The following TMEM132D variants were observed in gnomAD, a reference collection of about 807,000 sequenced individuals.
The protein encoded by TMEM132D is transmembrane protein 132D.
In TMEM132D, 21 loss-of-function variants were observed where a neutral mutation model predicts 62.3. The observed-to-expected ratio is 0.34, with a 90% CI of 0.24 to 0.49. The LOEUF is 0.49. Among genes scored for constraint, TMEM132D ranks in the 20% least tolerant of loss-of-function variants. TMEM132D has a pLI of 0.99. For missense variants in TMEM132D, 1,346 were observed against 1,402.8 expected, an observed-to-expected ratio of 0.96 and a Z score of 0.65; for synonymous variants, 621 against 575.6, an observed-to-expected ratio of 1.08 and a Z score of -1.13.
intron 6 of TMEM132D, 53 bp from the exon 7 acceptor site, chr12:129,082,085 G>A (rs1444464409): frequency 2.6e-6 from 4 of 1,545,258 alleles, no homozygotes; most frequent in African/African-American, 1.4e-5. Context: ...TCCTCTGTAA[G>A]GGGCCGTGTG....
intron 4 of TMEM132D, among the ~76,000 whole-genome samples, chr12:129,295,969 C>T (rs149265713): frequency 6.4e-4 from 98 of 152,012 alleles, no homozygotes; most frequent in Middle Eastern, 3.4e-3. Context: ...CTCGAAAATA[C>T]GAAGGGCCAA....
chr12:129,150,082 G>A (rs1281174854), intron 5 of TMEM132D, among the ~76,000 whole-genome samples: 2 of 152,246 alleles, frequency 1.3e-5, no homozygotes, highest in East Asian at 3.8e-4. Flanking sequence ...TGCAGAGAAG[G>A]GTCATCGTGT....
At chr12:129,429,740 CG>C (rs1872600871) in intron 3 of TMEM132D, among the ~76,000 whole-genome samples, 2 of 131,756 alleles carry the variant, frequency 1.5e-5, no homozygotes, top group Admixed American at 7.8e-5. Flanking sequence ...CCCCCTCCCC[CG>C]ACCCCACAAC....
intron 2 of TMEM132D, among the ~76,000 whole-genome samples, chr12:129,535,442 CA>C (rs1161234573): frequency 6.6e-6 from 1 of 152,212 alleles, no homozygotes; most frequent in Admixed American, 6.5e-5. Context: ...CCACAACCAC[CA>C]GGGGACTCCA....
chr12:129,616,337 A>G (rs904032505), intron 2 of TMEM132D, among the ~76,000 whole-genome samples: 2 of 152,116 alleles, frequency 1.3e-5, no homozygotes, highest in African/African-American at 4.8e-5. Flanking sequence ...GGAGGAATAG[A>G]TATTATCGGG....
At chr12:129,728,752 G>A (rs79161310) in intron 1 of TMEM132D, among the ~76,000 whole-genome samples, 44 of 152,282 alleles carry the variant, frequency 2.9e-4, no homozygotes, top group Non-Finnish European at 2.2e-4. Context: ...TGCGAAGAGG[G>A]AGAAACGCAG....
chr12:129,841,442 C>A (rs925057815), intron 1 of TMEM132D, among the ~76,000 whole-genome samples: 9 of 152,180 alleles, frequency 5.9e-5, no homozygotes, highest in Admixed American at 4.6e-4. Flanking sequence ...GTTTAATCAA[C>A]CCTTGGTCCC....
At chr12:129,709,904 G>A (rs1881600909) in intron 1 of TMEM132D, among the ~76,000 whole-genome samples, 1 of 152,120 alleles carries the variant, frequency 6.6e-6, no homozygotes, top group African/African-American at 2.4e-5. Flanking sequence ...CACAAAAATT[G>A]TAATCTCTTA....
At chr12:129,272,394 A>T (rs1230847899) in intron 4 of TMEM132D, among the ~76,000 whole-genome samples, 4 of 151,872 alleles carry the variant, frequency 2.6e-5, no homozygotes, top group South Asian at 2.1e-4. Flanking sequence ...TACAAGCTTC[A>T]CTGGATGAAG....
chr12:129,279,021 A>G (rs1021305851), intron 4 of TMEM132D, among the ~76,000 whole-genome samples: 5 of 152,182 alleles, frequency 3.3e-5, no homozygotes, highest in African/African-American at 9.7e-5. Flanking sequence ...CCGGTGTGGC[A>G]GTTTCTAGTT....
chr12:129,383,377 G>A (rs1871008195), intron 3 of TMEM132D, among the ~76,000 whole-genome samples: 1 of 152,208 alleles, frequency 6.6e-6, no homozygotes, highest in South Asian at 2.1e-4. Flanking sequence ...ACAATCAACA[G>A]AAATACAGAA....
At chr12:129,561,688 T>C (rs1877238985) in intron 2 of TMEM132D, among the ~76,000 whole-genome samples, 1 of 152,222 alleles carries the variant, frequency 6.6e-6, no homozygotes, top group South Asian at 2.1e-4. Context: ...GAAAGAAGAT[T>C]AAAATTAAAT....
rs117989101 is a variant in TMEM132D, at chr12:129,556,381, T to C, written c.969-25176A>G. ...GGCAGGTCCCGAAGACTCTGCTCCA[T>C]GGGTCCAAGCTGAGCGCAAATCCTA... On this transcript the variant is annotated intron_variant, in intron 2 of 8. Transcript: ENST00000422113. 4.6e-3 allele frequency among the ~76,000 whole-genome samples: 694 copies of C among 152,208 alleles called. 12 individuals are homozygous for C. The South Asian group carries it at 0.051, about 11-fold the overall frequency.
rs1394289997 is a variant in TMEM132D at position 129,103,264 on chromosome 12, A to G, written c.1444-18562T>C. Among the ~76,000 whole-genome samples, 4 of 152,226 alleles carry G rather than the reference A, an allele frequency of 2.6e-5. No homozygotes were observed. The South Asian group carries it at 8.3e-4, about 32-fold the overall frequency. Reference sequence around the variant, plus strand: ...TGTTCCCATGAGCATTAGGACAGTAATGCTTCACCCCACAGCATCAGTTCC... The same window carrying G: ...TGTTCCCATGAGCATTAGGACAGTAGTGCTTCACCCCACAGCATCAGTTCC... On this transcript the variant is annotated intron_variant, in intron 5 of 8. Coordinates refer to ENST00000422113, the MANE Select transcript of TMEM132D (RefSeq NM_133448.3).
At position 129,072,088 on chromosome 12, in the gene TMEM132D, G is replaced by A. The variant is rs1874084707; in HGVS notation, c.*1787C>T. 1 of 152,132 alleles carries A rather than the reference G, an allele frequency of 6.6e-6. No homozygotes were observed. The highest frequency in any genetic ancestry group is 1.5e-5 in the Non-Finnish European group (1 of 68,062). The allele number at this position is 152,132 out of a possible 1,614,324, so 9.4% of individuals were successfully genotyped here. On this transcript the variant is annotated 3_prime_UTR_variant, in exon 9 of 9. Coordinates refer to ENST00000422113, the MANE Select transcript of TMEM132D (RefSeq NM_133448.3). Reference sequence around the variant, plus strand: ...GAAATTTACACACACATGATCTAAAGAGAATTCAATTCTATGGAGAGGAAG... The same window carrying A: ...GAAATTTACACACACATGATCTAAAAAGAATTCAATTCTATGGAGAGGAAG...
intron 2 of TMEM132D, among the ~76,000 whole-genome samples, chr12:129,686,553 G>C (rs1271468833): frequency 6.6e-6 from 1 of 152,070 alleles, no homozygotes; most frequent in Non-Finnish European, 1.5e-5. Context: ...GTTCTTTATA[G>C]CAGCATGAGA....
chr12:129,810,318 A>T (rs1451550844), intron 1 of TMEM132D, among the ~76,000 whole-genome samples: 1 of 152,116 alleles, frequency 6.6e-6, no homozygotes, highest in Admixed American at 6.6e-5. Context: ...AATGCAAGAT[A>T]CTCCACTGAC....
rs906826536 is a variant in TMEM132D at position 129,720,247 on chromosome 12, G to A, written c.80-19549C>T. Among the ~76,000 whole-genome samples the A allele has an allele frequency of 2.0e-5, 3 of 152,196 alleles. No individual in the cohort carries two copies. In the East Asian group the frequency reaches 5.8e-4, roughly 29 times the overall value. ...ACATTCCTAGTAACTCACACGGATG[G>A]ACCAGAAAATGTGTTATTCTTATAC... On this transcript the variant is annotated intron_variant, in intron 1 of 8. Coordinates refer to ENST00000422113, the MANE Select transcript of TMEM132D (RefSeq NM_133448.3).
chr12:129,798,406 T>C (rs1159779930), intron 1 of TMEM132D, among the ~76,000 whole-genome samples: 18 of 152,196 alleles, frequency 1.2e-4, no homozygotes, highest in Non-Finnish European at 2.5e-4. Context: ...GGTTAACTGC[T>C]TTTCAATTCT....
Sources: gnomAD v4.1 joint callset for allele counts (sites outside exome capture counted in the v4.1 genomes callset) on GRCh38, gnomAD v4.1.1 for gene constraint, MANE v1.5 for transcripts, NCBI Gene and HGNC (gene_info 2026-07-23, HGNC 2026-07-21) for gene names.